The following ARHGAP18 variants were observed in gnomAD, a reference collection of about 807,000 sequenced individuals.
ARHGAP18 encodes the protein Rho GTPase activating protein 18.
ARHGAP18 carries 67 observed loss-of-function variants against 86.2 expected under a neutral mutation model. The ratio of observed to expected loss-of-function variants is 0.78; its 90% CI spans 0.64 to 0.95. The LOEUF (loss-of-function observed/expected upper bound fraction) is 0.95. Among genes scored for constraint, ARHGAP18 ranks in the 40% least tolerant of loss-of-function variants. The probability of loss-of-function intolerance (pLI) is 0.00; values close to 1 mark genes in which losing one functional copy is unlikely to be tolerated. For missense variants in ARHGAP18, 691 were observed against 780.4 expected, an observed-to-expected ratio of 0.89 and a Z score of 1.37; for synonymous variants, 283 against 280.4, an observed-to-expected ratio of 1.01 and a Z score of -0.09.
chr6:129,646,174 G>A (rs1345146137), intron 1 of ARHGAP18, among the ~76,000 whole-genome samples: 2 of 152,106 alleles, frequency 1.3e-5, no homozygotes, highest in African/African-American at 4.8e-5. Flanking sequence ...ATATGGAACT[G>A]GGAGTCTAAG....
At chr6:129,649,256 T>C (rs1289286596) in intron 1 of ARHGAP18, among the ~76,000 whole-genome samples, 1 of 152,232 alleles carries the variant, frequency 6.6e-6, no homozygotes, top group Non-Finnish European at 1.5e-5. Context: ...TTTCCTTTTC[T>C]TTAAAAATAA....
At chr6:129,655,701 C>G (rs1244063232) in intron 1 of ARHGAP18, among the ~76,000 whole-genome samples, 1 of 152,032 alleles carries the variant, frequency 6.6e-6, no homozygotes, top group Non-Finnish European at 1.5e-5. Context: ...AAGTAAAATG[C>G]AGTTTTTATA....
intron 5 of ARHGAP18, among the ~76,000 whole-genome samples, chr6:129,623,740 C>T (rs921111250): frequency 2.0e-5 from 3 of 151,888 alleles, no homozygotes; most frequent in South Asian, 2.1e-4. Context: ...AGAAGACAAA[C>T]GGACTAAAAA....
At chr6:129,629,660 T>A in intron 4 of ARHGAP18, 138 bp from the exon 5 acceptor site, 2 of 875,312 alleles carry the variant, frequency 2.3e-6, no homozygotes, top group Non-Finnish European at 3.4e-6. Context: ...ATTTTAATAC[T>A]AAAGAGTATA....
At chr6:129,616,451 A>G (rs1396803209) in intron 6 of ARHGAP18, 148 bp from the exon 7 acceptor site, 2 of 626,970 alleles carry the variant, frequency 3.2e-6, no homozygotes, top group East Asian at 5.5e-5. Context: ...TCAACATTAT[A>G]TATATGGTGG....
chr6:129,642,648 C>A (rs998926543), intron 1 of ARHGAP18, among the ~76,000 whole-genome samples: 2 of 152,144 alleles, frequency 1.3e-5, no homozygotes, highest in African/African-American at 4.8e-5. Flanking sequence ...CACATTAAAT[C>A]TTGATTACAG....
At chr6:129,620,452 T>C (rs189599537) in intron 5 of ARHGAP18, among the ~76,000 whole-genome samples, 25 of 152,368 alleles carry the variant, frequency 1.6e-4, no homozygotes, top group African/African-American at 5.5e-4. Context: ...GGTGTGTTTT[T>C]CTGCCTTTCT....
intron 1 of ARHGAP18, among the ~76,000 whole-genome samples, chr6:129,658,886 G>A (rs1024488690): frequency 6.6e-5 from 10 of 152,150 alleles, no homozygotes; most frequent in South Asian, 2.1e-4. Context: ...GAAACCTTCC[G>A]GAGGTGCTTC....
At chr6:129,707,650 G>GTTTTT (rs57719259) in intron 1 of ARHGAP18, among the ~76,000 whole-genome samples, 1 of 107,866 alleles carries the variant, frequency 9.3e-6, no homozygotes, top group Non-Finnish European at 1.9e-5. Context: ...GTGGTTTCTT[G>GTTTTT]TTTTTTTTTT....
At chr6:129,629,289 A>ATG (rs543373066) in intron 5 of ARHGAP18, 64 bp downstream of exon 5, 569 of 1,330,230 alleles carry the variant, frequency 4.3e-4, no homozygotes, top group Non-Finnish European at 5.8e-4. Flanking sequence ...GTGTATGTAT[A>ATG]TGTGTGTGTG....
At position 129,616,269 on chromosome 6, in the gene ARHGAP18, T is replaced by C; in HGVS notation, c.987A>G (p.Leu329=). ...GTACTTTCCTCTGATCTTGTTCTAA[T>C]AGCGCTGTCAATGGAACGCAAAAAA... ...SGLFCVPLTA[L]LEQDQRKVPG... is the part of the protein sequence containing the mutation. The change falls in exon 7 of 15, where the codon CTA becomes CTG. Residue 329 remains leucine (L), a synonymous_variant. Coordinates refer to ENST00000368149, the MANE Select transcript of ARHGAP18 (RefSeq NM_033515.3). The C allele has an allele frequency of 2.5e-6, 4 of 1,611,096 alleles. No homozygotes were observed. The highest frequency in any genetic ancestry group is 3.4e-6 in the Non-Finnish European group (4 of 1,178,458).
chr6:129,693,708 A>G (rs992864988), intron 1 of ARHGAP18, among the ~76,000 whole-genome samples: 1 of 152,192 alleles, frequency 6.6e-6, no homozygotes, highest in African/African-American at 2.4e-5. Flanking sequence ...AAAATGACTG[A>G]GGTTCAAACC....
rs1178307298 is a variant in ARHGAP18 at position 129,624,996 on chromosome 6, TGATA to T, written c.786+4353_786+4356del. Among the ~76,000 whole-genome samples the T allele has an allele frequency of 1.1e-3, 114 of 108,148 alleles. 4 individuals are homozygous for T. The highest frequency in any genetic ancestry group is 3.7e-3 in the African/African-American group (111 of 30,246). 70.9% of individuals were successfully genotyped at this position (108,148 alleles called of 152,430 possible). A position where few individuals can be genotyped will look rare whatever the true frequency, so the allele number is the denominator to read the frequency against. On this transcript the variant is annotated intron_variant, in intron 5 of 14. Coordinates refer to ENST00000368149, the MANE Select transcript of ARHGAP18 (RefSeq NM_033515.3). ...ATTTATATATAATATATATTATATATGATATATATTTATATAATATATATGATAT... is the reference window on the plus strand; with the variant it reads ...ATTTATATATAATATATATTATATATTATATTTATATAATATATATGATAT...
intron 12 of ARHGAP18, among the ~76,000 whole-genome samples, chr6:129,588,667 T>C (rs1213667425): frequency 6.6e-6 from 1 of 152,176 alleles, no homozygotes; most frequent in South Asian, 2.1e-4. Flanking sequence ...CTCTTATAGC[T>C]CCACTAGGCA....
At position 129,655,680 on chromosome 6, in the gene ARHGAP18, C is replaced by T. The variant is rs75446130; in HGVS notation, c.114-13662G>A. Among the ~76,000 whole-genome samples, 458 of 152,076 alleles carry T rather than the reference C, an allele frequency of 3.0e-3. 3 individuals carry two copies. Among genetic ancestry groups the T allele is most frequent in the Middle Eastern group, 0.02 (6 of 294 alleles). ...GAATGACTTCAGTTATTTGCAAAAGCCAGTTCCGTAAAGTAAAATGCAGTT... is the reference window on the plus strand; with the variant it reads ...GAATGACTTCAGTTATTTGCAAAAGTCAGTTCCGTAAAGTAAAATGCAGTT... On this transcript the variant is annotated intron_variant, in intron 1 of 14. Coordinates refer to ENST00000368149, the MANE Select transcript of ARHGAP18 (RefSeq NM_033515.3).
At chr6:129,630,948 T>C (rs1044868561) in intron 4 of ARHGAP18, among the ~76,000 whole-genome samples, 5 of 152,226 alleles carry the variant, frequency 3.3e-5, no homozygotes, top group African/African-American at 7.2e-5. Context: ...CCGTTGATAT[T>C]ATTAGTATTC....
intron 1 of ARHGAP18, among the ~76,000 whole-genome samples, chr6:129,648,831 G>A (rs1408650177): frequency 6.6e-6 from 1 of 152,092 alleles, no homozygotes; most frequent in Non-Finnish European, 1.5e-5. Context: ...AGATGGTAAA[G>A]CTATTAATAC....
At chr6:129,698,655 C>A (rs955811460) in intron 1 of ARHGAP18, among the ~76,000 whole-genome samples, 6 of 151,018 alleles carry the variant, frequency 4.0e-5, no homozygotes, top group Middle Eastern at 3.4e-3. Context: ...CATTCTCCTG[C>A]CTCAGCCTCC....
At chr6:129,591,626 A>G (rs1349833207) in intron 12 of ARHGAP18, among the ~76,000 whole-genome samples, 1 of 152,188 alleles carries the variant, frequency 6.6e-6, no homozygotes, top group Non-Finnish European at 1.5e-5. Flanking sequence ...TAAGGTATCT[A>G]AAAACACTGC....
Sources: gnomAD v4.1 joint callset for allele counts (sites outside exome capture counted in the v4.1 genomes callset) on GRCh38, gnomAD v4.1.1 for gene constraint, MANE v1.5 for transcripts, NCBI Gene and HGNC (gene_info 2026-07-23, HGNC 2026-07-21) for gene names.